Variants in AVPR1A observed in about 807,000 individuals in gnomAD.
AVPR1A encodes the protein arginine vasopressin receptor 1A.
A neutral mutation model predicts 31.5 loss-of-function variants in AVPR1A; 31 were observed. The observed-to-expected ratio is 0.99, with a 90% CI of 0.74 to 1.33. AVPR1A has a LOEUF of 1.33. AVPR1A is among the 40% of genes most tolerant of loss of function. The pLI, the probability that AVPR1A is intolerant of heterozygous loss-of-function variation, is 0.00. For missense variants in AVPR1A, 570 were observed against 575.2 expected (o/e 0.99, Z 0.09); for synonymous variants, 243 against 233.2 (o/e 1.04, Z -0.38).
chr12:63,143,415 A>C lies in AVPR1A; in HGVS notation c.*3944T>G, dbSNP rs1868335172. On this transcript the variant is annotated 3_prime_UTR_variant, in exon 2 of 2. Transcript: ENST00000299178. ...TCACATGTACATTTTCATTCATGAT[A>C]ACTTAGTATGCCTAATAATTATGTT... is the stretch of plus-strand genomic sequence containing the variant. 6.6e-6 allele frequency: 1 copy of C among 152,206 alleles called. No homozygotes were observed. The highest frequency in any genetic ancestry group is 1.5e-5 in the Non-Finnish European group (1 of 68,020). The allele number at this position is 152,206 out of a possible 1,614,324, so 9.4% of individuals were successfully genotyped here. A position where few individuals can be genotyped will look rare whatever the true frequency, so the allele number is the denominator to read the frequency against.
rs1402438914 is a variant in AVPR1A, at chr12:63,150,722, T to C, written c.115A>G (p.Asn39Asp). Reference protein sequence around the residue: ...SREAEALGEGNGPPRDVRNEE... With the variant: ...SREAEALGEGDGPPRDVRNEE... Reference sequence around the variant, plus strand: ...TTGCGCACGTCCCTCGGTGGGCCGTTGCCCTCCCCGAGGGCTTCGGCCTCC... The same window carrying C: ...TTGCGCACGTCCCTCGGTGGGCCGTCGCCCTCCCCGAGGGCTTCGGCCTCC... Residue 39 changes from asparagine (N) to aspartate (D), a missense_variant, in exon 1 of 2, where the codon AAC becomes GAC. Asn to Asp is a conservative substitution (Grantham distance 23). Coordinates refer to ENST00000299178, the MANE Select transcript of AVPR1A (RefSeq NM_000706.5). This position sits in a 1 kb window ranked among gnomAD's most constrained non-coding sequence, Gnocchi z 4.9. 6.2e-7 allele frequency: 1 copy of C among 1,604,068 alleles called. No individual in the cohort carries two copies. Among genetic ancestry groups the C allele is most frequent in the Admixed American group, 1.7e-5 (1 of 59,998 alleles).
rs944732300 is a variant in AVPR1A at position 63,143,498 on chromosome 12, C to T, written c.*3861G>A. 6.6e-6 allele frequency: 1 copy of T among 152,202 alleles called. No individual in the cohort carries two copies. Among genetic ancestry groups the T allele is most frequent in the Non-Finnish European group, 1.5e-5 (1 of 68,014 alleles). The allele number at this position is 152,202 out of a possible 1,614,324, so 9.4% of individuals were successfully genotyped here. A position where few individuals can be genotyped will look rare whatever the true frequency, so the allele number is the denominator to read the frequency against. On this transcript the variant is annotated 3_prime_UTR_variant, in exon 2 of 2. Transcript: ENST00000299178. ...ATGGAATCTTAAAATGTGTGTGATT[C>T]GAACCATTTACACTGTCTTAAGCAC...
At chr12:63,148,811 T>A (rs986649245) in intron 1 of AVPR1A, among the ~76,000 whole-genome samples, 2 of 152,074 alleles carry the variant, frequency 1.3e-5, no homozygotes, top group Non-Finnish European at 2.9e-5. Flanking sequence ...ATTACATACC[T>A]CCCCTACTCC....
chr12:63,150,573 G>A lies in AVPR1A; in HGVS notation c.264C>T (p.Leu88=). 6.2e-7 allele frequency: 1 copy of A among 1,612,552 alleles called. No individual in the cohort carries two copies. Among genetic ancestry groups the A allele is most frequent in the Non-Finnish European group, 8.5e-7 (1 of 1,179,922 alleles). ...CGGCCAGGCTGAGGTGTCGGATGAA[G>A]AGGTGCATGCGGGACGTCTTGCGCG... ...RTPRKTSRMH[L]FIRHLSLADL... Residue 88 remains leucine (L), a synonymous_variant, in exon 1 of 2, where the codon CTC becomes CTT. Coordinates refer to ENST00000299178, the MANE Select transcript of AVPR1A (RefSeq NM_000706.5). This position sits in a 1 kb window ranked among gnomAD's most constrained non-coding sequence, Gnocchi z 4.9.
At chr12:63,147,766 G>C in intron 1 of AVPR1A, 121 bp from the exon 2 acceptor site, 2 of 1,130,212 alleles carry the variant, frequency 1.8e-6, no homozygotes, top group Non-Finnish European at 2.5e-6. Context: ...GAACTATTTT[G>C]TTTATCAATC....
rs1166080091 is a variant in AVPR1A at position 63,151,105 on chromosome 12, C to G, written c.-269G>C. On this transcript the variant is annotated 5_prime_UTR_variant, in exon 1 of 2. Transcript: ENST00000299178. Reference sequence around the variant, plus strand: ...CGAGGTCGGGAAGGTGAGCTCCGAGCTTCCGGAAGCACTGGGTTCCCAACT... The same window carrying G: ...CGAGGTCGGGAAGGTGAGCTCCGAGGTTCCGGAAGCACTGGGTTCCCAACT... The G allele has an allele frequency of 2.2e-6, 1 of 453,672 alleles. No individual in the cohort carries two copies. Among genetic ancestry groups the G allele is most frequent in the Non-Finnish European group, 3.9e-6 (1 of 257,378 alleles). 28.1% of individuals were successfully genotyped at this position (453,672 alleles called of 1,614,324 possible).
rs1868471214 is a variant in AVPR1A at position 63,150,891 on chromosome 12, G to A, written c.-55C>T. ...TTCGGAGCTCCAGCCCTCGCGGGCC[G>A]CTCCCTCCCCGTCTCGGAGGACTTG... On this transcript the variant is annotated 5_prime_UTR_variant, in exon 1 of 2. Transcript: ENST00000299178. This position sits in a 1 kb window ranked among gnomAD's most constrained non-coding sequence, Gnocchi z 4.9. 3.4e-6 allele frequency: 5 copies of A among 1,456,906 alleles called. No individual in the cohort carries two copies. The highest frequency in any genetic ancestry group is 5.0e-4 in the Middle Eastern group (2 of 3,978). 90.2% of individuals were successfully genotyped at this position (1,456,906 alleles called of 1,614,324 possible). A position where few individuals can be genotyped will look rare whatever the true frequency, so the allele number is the denominator to read the frequency against.
At position 63,151,118 on chromosome 12, in the gene AVPR1A, T is replaced by G. The variant is rs1868479077; in HGVS notation, c.-282A>C. Reference sequence around the variant, plus strand: ...GTGAGCTCCGAGCTTCCGGAAGCACTGGGTTCCCAACTCAAGTATTTATGC... The same window carrying G: ...GTGAGCTCCGAGCTTCCGGAAGCACGGGGTTCCCAACTCAAGTATTTATGC... On this transcript the variant is annotated 5_prime_UTR_variant, in exon 1 of 2. Transcript: ENST00000299178. 2 of 430,024 alleles carry G rather than the reference T, an allele frequency of 4.7e-6. No homozygotes were observed. The highest frequency in any genetic ancestry group is 8.3e-6 in the Non-Finnish European group (2 of 241,646). The allele number at this position is 430,024 out of a possible 1,614,324, so 26.6% of individuals were successfully genotyped here. A position where few individuals can be genotyped will look rare whatever the true frequency, so the allele number is the denominator to read the frequency against.
In AVPR1A at chr12:63,144,702, T is replaced by C. The variant is rs556261163; in HGVS notation, c.*2657A>G. 7 of 152,280 alleles carry C rather than the reference T, an allele frequency of 4.6e-5. No homozygotes were observed. Among genetic ancestry groups the C allele is most frequent in the African/African-American group, 9.6e-5 (4 of 41,542 alleles). 9.4% of individuals were successfully genotyped at this position (152,280 alleles called of 1,614,324 possible). On this transcript the variant is annotated 3_prime_UTR_variant, in exon 2 of 2. Transcript: ENST00000299178. ...GGCGTCCATTTCTGGGTACATAACA[T>C]TGAGAAAATTTAGCAACCAGACAGA...
rs958668341 is a variant in AVPR1A, at chr12:63,143,476, G to A, written c.*3883C>T. 6.6e-6 allele frequency: 1 copy of A among 152,050 alleles called. No homozygotes were observed. Among genetic ancestry groups the A allele is most frequent in the Admixed American group, 6.6e-5 (1 of 15,252 alleles). The allele number at this position is 152,050 out of a possible 1,614,324, so 9.4% of individuals were successfully genotyped here. A position where few individuals can be genotyped will look rare whatever the true frequency, so the allele number is the denominator to read the frequency against. ...TCTTAAAATGCTTATGTATACAATG[G>A]AATCTTAAAATGTGTGTGATTCGAA... is the stretch of plus-strand genomic sequence containing the variant. On this transcript the variant is annotated 3_prime_UTR_variant, in exon 2 of 2. Coordinates refer to ENST00000299178, the MANE Select transcript of AVPR1A (RefSeq NM_000706.5).
At position 63,146,848 on chromosome 12, in the gene AVPR1A, G is replaced by A. The variant is rs1565877948; in HGVS notation, c.*511C>T. 1 of 156,424 alleles carries A rather than the reference G, an allele frequency of 6.4e-6. No homozygotes were observed. The highest frequency in any genetic ancestry group is 1.4e-5 in the Non-Finnish European group (1 of 70,568). The allele number at this position is 156,424 out of a possible 1,614,324, so 9.7% of individuals were successfully genotyped here. A position where few individuals can be genotyped will look rare whatever the true frequency, so the allele number is the denominator to read the frequency against. Reference sequence around the variant, plus strand: ...TACACCCCAGGCACTTGTACTCCTAGGAGGTACCATCCCATCTCCTGGACA... The same window carrying A: ...TACACCCCAGGCACTTGTACTCCTAAGAGGTACCATCCCATCTCCTGGACA... On this transcript the variant is annotated 3_prime_UTR_variant, in exon 2 of 2. Coordinates refer to ENST00000299178, the MANE Select transcript of AVPR1A (RefSeq NM_000706.5).
intron 1 of AVPR1A, among the ~76,000 whole-genome samples, chr12:63,149,574 T>C (rs1377720547): frequency 1.3e-5 from 2 of 152,154 alleles, no homozygotes; most frequent in South Asian, 2.1e-4. Flanking sequence ...CTTAGGATCA[T>C]TGCACACTAC....
rs147781149 is a variant in AVPR1A at position 63,149,970 on chromosome 12, C to G, written c.867G>C (p.Thr289=). ...TCACGATCACAAAAGTCATCTTCAC[C>G]GTGCGGATCTTGGCCCGGGAAATGG... ...VKSISRAKIR[T]VKMTFVIVTA... Residue 289 remains threonine, a synonymous_variant, in exon 1 of 2, where the codon ACG becomes ACC. Transcript: ENST00000299178. 80 of 1,614,124 alleles carry G rather than the reference C, an allele frequency of 5.0e-5. No individual in the cohort carries two copies. In the African/African-American group the frequency reaches 5.1e-4, roughly 10 times the overall value.
At position 63,145,157 on chromosome 12, in the gene AVPR1A, A is replaced by C; in HGVS notation, c.*2202T>G. 3.8e-6 allele frequency: 1 copy of C among 264,308 alleles called. No individual in the cohort carries two copies. The highest frequency in any genetic ancestry group is 7.5e-6 in the Non-Finnish European group (1 of 132,882). 16.4% of individuals were successfully genotyped at this position (264,308 alleles called of 1,614,324 possible). On this transcript the variant is annotated 3_prime_UTR_variant, in exon 2 of 2. Transcript: ENST00000299178. ...GAATTAATTAATTTAGTTATGGCTT[A>C]TATTGGACAGTACCCTTTAAGAGAC...
Position 63,150,952 on chromosome 12 carries a change from T to C in AVPR1A, c.-116A>G. The C allele has an allele frequency of 7.1e-7, 1 of 1,407,314 alleles. No individual in the cohort carries two copies. The highest frequency in any genetic ancestry group is 1.5e-5 in the South Asian group (1 of 66,086). The allele number at this position is 1,407,314 out of a possible 1,614,324, so 87.2% of individuals were successfully genotyped here. ...CCGAAGCGCAGGGTCTTTGGCGCGC[T>C]CGCAGCTTGCCGGGCTCTGCGATCC... On this transcript the variant is annotated 5_prime_UTR_variant, in exon 1 of 2. Transcript: ENST00000299178. The surrounding 1 kb of genome is among the most constrained non-coding windows in gnomAD (Gnocchi z 4.9).
Position 63,150,596 on chromosome 12 carries a change from G to T in AVPR1A, c.241C>A (p.Arg81Ser). The change falls in exon 1 of 2, where the codon CGC becomes AGC. Residue 81 changes from arginine (R) to serine (S), a missense_variant. Transcript: ENST00000299178. This position sits in a 1 kb window ranked among gnomAD's most constrained non-coding sequence, Gnocchi z 4.9. The stretch of plus-strand genomic sequence containing the variant: ...AAGAGGTGCATGCGGGACGTCTTGC[G>T]CGGCGTCCGGTGCAGAGCCAGCAGT... The part of the protein sequence containing the change: ...SVLLALHRTP[R>S]KTSRMHLFIR... The T allele has an allele frequency of 2.5e-6, 4 of 1,610,516 alleles. No individual in the cohort carries two copies. The highest frequency in any genetic ancestry group is 3.4e-6 in the Non-Finnish European group (4 of 1,179,810).
rs982900535 is a variant in AVPR1A at position 63,144,107 on chromosome 12, G to C, written c.*3252C>G. ...TCCTGTGTATCATTAAGACTGCTTA[G>C]TATTTTTTTCTCTAAAACCATACCC... On this transcript the variant is annotated 3_prime_UTR_variant, in exon 2 of 2. Transcript: ENST00000299178. The C allele has an allele frequency of 4.6e-5, 6 of 130,430 alleles. No homozygotes were observed. Among genetic ancestry groups the C allele is most frequent in the Non-Finnish European group, 9.2e-5 (6 of 65,338 alleles). The allele number at this position is 130,430 out of a possible 1,614,324, so 8.1% of individuals were successfully genotyped here. A position where few individuals can be genotyped will look rare whatever the true frequency, so the allele number is the denominator to read the frequency against.
chr12:63,150,082 G>A lies in AVPR1A; in HGVS notation c.755C>T (p.Ala252Val), dbSNP rs146970048. ...CTCTGCACCCTTGCTCTGGCGCGAC[G>A]CCGTCTTCCCGCGGACGTTGCACCA... ...NIWCNVRGKT[A>V]SRQSKGAEQA... Residue 252 changes from alanine to valine, a missense_variant, in exon 1 of 2, where the codon GCG becomes GTG. By Grantham distance (64) the Ala-to-Val change is moderately conservative (BLOSUM62 0). Transcript: ENST00000299178. This position sits in a 1 kb window ranked among gnomAD's most constrained non-coding sequence, Gnocchi z 4.9. The A allele has an allele frequency of 1.4e-4, 230 of 1,613,960 alleles. 2 individuals carry two copies. Among genetic ancestry groups the A allele is most frequent in the Middle Eastern group, 1.6e-4 (1 of 6,084 alleles).
rs753580778 is a variant in AVPR1A at position 63,144,180 on chromosome 12, A to G, written c.*3179T>C. ...CTTGTTTGATGATGATAGAAATTCT[A>G]TATGTAAAACAAGTATATAATTAAC... On this transcript the variant is annotated 3_prime_UTR_variant, in exon 2 of 2. Coordinates refer to ENST00000299178, the MANE Select transcript of AVPR1A (RefSeq NM_000706.5). 1 of 152,224 alleles carries G rather than the reference A, an allele frequency of 6.6e-6. No individual in the cohort carries two copies. Among genetic ancestry groups the G allele is most frequent in the Non-Finnish European group, 1.5e-5 (1 of 68,040 alleles). The allele number at this position is 152,224 out of a possible 1,614,324, so 9.4% of individuals were successfully genotyped here.
Sources: gnomAD v4.1 joint callset for allele counts (sites outside exome capture counted in the v4.1 genomes callset) on GRCh38, gnomAD v4.1.1 for gene constraint, Gnocchi (gnomAD v3.1) non-coding constraint, MANE v1.5 for transcripts, NCBI Gene and HGNC (gene_info 2026-07-23, HGNC 2026-07-21) for gene names.